The following TAS2R1 variants were observed in gnomAD, a reference collection of about 807,000 sequenced individuals.
TAS2R1 encodes the protein taste 2 receptor member 1, also known as taste receptor type 2 member 1.
For missense variants in TAS2R1, 370 were observed against 353.4 expected, an observed-to-expected ratio of 1.05 and a Z score of -0.38; for synonymous variants, 141 against 134.2, an observed-to-expected ratio of 1.05 and a Z score of -0.35.
At chr5:9,751,502 A>AT in the TAS2R1 span, among the ~76,000 whole-genome samples, 9 of 152,168 alleles carry the variant, frequency 5.9e-5, no homozygotes, top group Non-Finnish European at 1.3e-4. Flanking sequence ...ATTTTTCCTA[A>AT]TTTTTGAAAA....
the TAS2R1 span, among the ~76,000 whole-genome samples, chr5:9,878,102 G>A: frequency 6.6e-6 from 1 of 152,190 alleles, no homozygotes; most frequent in African/African-American, 2.4e-5. Context: ...TGGAGACCAT[G>A]AGTCATTTGG....
At chr5:9,655,821 C>T (rs1740405791) in intron 2 of TAS2R1, among the ~76,000 whole-genome samples, 1 of 151,566 alleles carries the variant, frequency 6.6e-6, no homozygotes, top group Non-Finnish European at 1.5e-5. Flanking sequence ...CCATGTCTGA[C>T]CCTGCTTCTG....
the TAS2R1 span, among the ~76,000 whole-genome samples, chr5:9,729,490 C>G: frequency 1.3e-5 from 2 of 152,116 alleles, no homozygotes; most frequent in African/African-American, 4.8e-5. Context: ...CTTGGGCACA[C>G]GCCTTGGTGA....
chr5:9,797,802 A>G, the TAS2R1 span, among the ~76,000 whole-genome samples: 1 of 151,882 alleles, frequency 6.6e-6, no homozygotes, highest in East Asian at 1.9e-4. Context: ...CTACAATTAT[A>G]AAAAAAAATC....
the TAS2R1 span, among the ~76,000 whole-genome samples, chr5:9,790,632 ATTT>A: frequency 1.3e-5 from 2 of 151,454 alleles, no homozygotes; most frequent in Non-Finnish European, 2.9e-5. Context: ...TAAAATAAGA[ATTT>A]TTTTTTCTTT....
the TAS2R1 span, chr5:9,903,688 A>G: frequency 6.6e-6 from 1 of 152,122 alleles, no homozygotes; most frequent in South Asian, 2.1e-4. Flanking sequence ...CTGTGATGTG[A>G]TCCATCTTCA....
intron 2 of TAS2R1, among the ~76,000 whole-genome samples, chr5:9,644,537 G>A (rs1414250751): frequency 6.6e-6 from 1 of 152,168 alleles, no homozygotes; most frequent in Non-Finnish European, 1.5e-5. Context: ...CAAGAGCTCT[G>A]TGTGGACATG....
At chr5:9,897,696 T>C in the TAS2R1 span, among the ~76,000 whole-genome samples, 6,309 of 152,298 alleles carry the variant, frequency 0.041, 209 homozygotes, top group South Asian at 0.13. Flanking sequence ...CTTTCTTTTT[T>C]CTTTTTGCTG....
the TAS2R1 span, among the ~76,000 whole-genome samples, chr5:9,900,710 T>C: frequency 6.7e-6 from 1 of 149,214 alleles, no homozygotes; most frequent in South Asian, 2.2e-4. Flanking sequence ...AAGCTCCGCG[T>C]CCCGGGTTCA....
chr5:9,666,254 AAG>A (rs1024810533), intron 1 of TAS2R1, among the ~76,000 whole-genome samples: 4 of 152,198 alleles, frequency 2.6e-5, no homozygotes, highest in African/African-American at 9.6e-5. Flanking sequence ...CTAATTAAGA[AAG>A]AGTTACAACA....
chr5:9,745,263 C>T, the TAS2R1 span, among the ~76,000 whole-genome samples: 1 of 152,004 alleles, frequency 6.6e-6, no homozygotes. Flanking sequence ...GGATCTGGAC[C>T]ACATGGTGAA....
At chr5:9,775,045 G>A in the TAS2R1 span, among the ~76,000 whole-genome samples, 2 of 152,206 alleles carry the variant, frequency 1.3e-5, no homozygotes, top group African/African-American at 4.8e-5. Context: ...TCTCAGGCAG[G>A]TCCAGAGATG....
At chr5:9,818,658 G>A in the TAS2R1 span, among the ~76,000 whole-genome samples, 1,638 of 152,266 alleles carry the variant, frequency 0.011, 22 homozygotes, top group African/African-American at 0.034. Flanking sequence ...CAAGTAAAGC[G>A]TTCAAGATCT....
chr5:9,833,374 A>G, the TAS2R1 span, among the ~76,000 whole-genome samples: 1 of 152,244 alleles, frequency 6.6e-6, no homozygotes, highest in African/African-American at 2.4e-5. Context: ...TGGGGTCCCA[A>G]GATGTATTTT....
rs754714416 is a variant in TAS2R1 at position 9,629,210 on chromosome 5, G to C, written c.823C>G (p.Leu275Val). 1.2e-6 allele frequency: 2 copies of C among 1,602,230 alleles called. No individual in the cohort carries two copies. The highest frequency in any genetic ancestry group is 1.7e-6 in the Non-Finnish European group (2 of 1,176,140). Residue 275 changes from leucine to valine, a missense_variant, in exon 1 of 1, where the codon CTC becomes GTC. Leu to Val is a conservative substitution (Grantham distance 32, BLOSUM62 1). Transcript: ENST00000382492. The part of the protein sequence containing the change: ...VIGIYPSGHS[L>V]ILILGNPKLK... ...TTAGGATTTCCTAAAATTAAGATGA[G>C]AGAGTGTCCAGAAGGGTATATACCA...
At chr5:9,717,228 G>A (rs1260629818), upstream of TAS2R1, among the ~76,000 whole-genome samples, 2 of 152,144 alleles carry the variant, frequency 1.3e-5, no homozygotes, top group East Asian at 1.9e-4. Flanking sequence ...GGGCCAGAAG[G>A]GGTGGCCTCA....
chr5:9,884,993 CTGAG>C, the TAS2R1 span, among the ~76,000 whole-genome samples: 48 of 152,326 alleles, frequency 3.2e-4, 1 homozygote, highest in South Asian at 8.1e-3. Context: ...CTAGCATTTA[CTGAG>C]TGTCTACTAT....
the TAS2R1 span, among the ~76,000 whole-genome samples, chr5:9,718,125 A>ATTT: frequency 7.1e-4 from 98 of 138,812 alleles, no homozygotes; most frequent in African/African-American, 2.3e-3. Context: ...ATGCCCAGCA[A>ATTT]TTTTTTTTTT....
the TAS2R1 span, among the ~76,000 whole-genome samples, chr5:9,762,712 A>C: frequency 2.0e-5 from 3 of 152,246 alleles, no homozygotes; most frequent in Non-Finnish European, 4.4e-5. Context: ...GCTAGAATTC[A>C]AAAAGGAAAG....
Sources: allele counts gnomAD v4.1 joint callset (sites outside exome capture counted in the v4.1 genomes callset), GRCh38; gene constraint gnomAD v4.1.1; transcripts MANE v1.5; gene names NCBI Gene and HGNC (gene_info 2026-07-23, HGNC 2026-07-21).